Variants in ZDHHC7 observed in about 807,000 individuals in gnomAD.
ZDHHC7 encodes zDHHC palmitoyltransferase 7.
A neutral mutation model predicts 34.1 loss-of-function variants in ZDHHC7; 12 were observed. That is an observed-to-expected ratio of 0.35 (90% CI 0.23 to 0.57). The LOEUF (loss-of-function observed/expected upper bound fraction) is 0.57. ZDHHC7 is among the 20% of genes least tolerant of loss of function. The probability of loss-of-function intolerance (pLI) is 0.84; values close to 1 mark genes in which losing one functional copy is unlikely to be tolerated. For missense variants in ZDHHC7, 388 were observed against 402.7 expected (o/e 0.96, Z 0.31); for synonymous variants, 185 against 155.4 (o/e 1.19, Z -1.42).
At chr16:84,993,985 T>C (rs1445187850) in intron 2 of ZDHHC7, among the ~76,000 whole-genome samples, 1 of 152,234 alleles carries the variant, frequency 6.6e-6, no homozygotes, top group Non-Finnish European at 1.5e-5. Flanking sequence ...AAACTGCTTC[T>C]GCCTGCACTA....
intron 4 of ZDHHC7, 118 bp downstream of exon 4, chr16:84,981,752 G>A (rs1361694851): frequency 1.5e-5 from 23 of 1,572,016 alleles, no homozygotes; most frequent in East Asian, 6.8e-5. Context: ...CCCGTACAAC[G>A]TTGCCCAGAT....
chr16:85,019,849 C>T, the ZDHHC7 span, among the ~76,000 whole-genome samples: 1 of 152,182 alleles, frequency 6.6e-6, no homozygotes, highest in Non-Finnish European at 1.5e-5. Flanking sequence ...AGTGTGCTCC[C>T]GGTCACACAG....
the ZDHHC7 span, among the ~76,000 whole-genome samples, chr16:85,026,470 G>A: frequency 6.6e-6 from 1 of 152,060 alleles, no homozygotes; most frequent in East Asian, 1.9e-4. Context: ...CAAATCTGGA[G>A]TGTACTAGAA....
At chr16:84,978,296 AAAC>A (rs1272918516) in intron 5 of ZDHHC7, among the ~76,000 whole-genome samples, 1 of 152,192 alleles carries the variant, frequency 6.6e-6, no homozygotes, top group Non-Finnish European at 1.5e-5. Context: ...TTAGTAACTT[AAAC>A]AAGTCTTTCT....
At chr16:84,978,225 G>C (rs111723683) in intron 5 of ZDHHC7, 5,383 of 393,548 alleles carry the variant, frequency 0.014, 245 homozygotes, top group African/African-American at 0.1. Flanking sequence ...TAGAGATGGG[G>C]TTTCACCATG....
chr16:85,008,252 A>G (rs980717633), intron 1 of ZDHHC7, among the ~76,000 whole-genome samples: 2 of 152,070 alleles, frequency 1.3e-5, no homozygotes, highest in South Asian at 2.1e-4. Flanking sequence ...CTGGGAACTA[A>G]TATCAACCAT....
At chr16:84,988,221 G>A (rs2072462307) in intron 3 of ZDHHC7, among the ~76,000 whole-genome samples, 1 of 152,086 alleles carries the variant, frequency 6.6e-6, no homozygotes, top group South Asian at 2.1e-4. Flanking sequence ...GCAGATGAGT[G>A]GTTGCCAGGG....
upstream of ZDHHC7, among the ~76,000 whole-genome samples, chr16:85,015,089 G>A (rs140405653): frequency 1.9e-4 from 29 of 151,454 alleles, no homozygotes; most frequent in African/African-American, 6.8e-4. Context: ...AGCAGGCTTA[G>A]GAGTTTTGTT....
chr16:84,976,286 G>T lies in ZDHHC7; in HGVS notation c.*57C>A. On this transcript the variant is annotated 3_prime_UTR_variant, in exon 8 of 8. Coordinates refer to ENST00000313732, the MANE Select transcript of ZDHHC7 (RefSeq NM_017740.3). ...ACAGATGAGCTGTTGATATCCTTCA[G>T]ACCCCAAATAAATAACTGGAAGTCT... 1 of 1,603,078 alleles carries T rather than the reference G, an allele frequency of 6.2e-7. No individual in the cohort carries two copies. Among genetic ancestry groups the T allele is most frequent in the African/African-American group, 1.4e-5 (1 of 73,818 alleles).
the ZDHHC7 span, among the ~76,000 whole-genome samples, chr16:85,017,945 T>C: frequency 6.6e-6 from 1 of 152,116 alleles, no homozygotes; most frequent in African/African-American, 2.4e-5. Context: ...AAGGTGGAGA[T>C]TTCTTGGAAC....
intron 1 of ZDHHC7, among the ~76,000 whole-genome samples, chr16:85,008,454 T>C (rs1009961046): frequency 2.6e-5 from 4 of 151,606 alleles, no homozygotes; most frequent in African/African-American, 9.7e-5. Context: ...CCCCATCTGG[T>C]ACTTCCCTGG....
chr16:84,996,468 G>A (rs1268527718), intron 1 of ZDHHC7, among the ~76,000 whole-genome samples: 1 of 152,084 alleles, frequency 6.6e-6, no homozygotes, highest in Non-Finnish European at 1.5e-5. Context: ...GGAAGACAGT[G>A]GAACCCAGTG....
chr16:85,014,041 G>A (rs11642414), upstream of ZDHHC7, among the ~76,000 whole-genome samples: 720 of 152,242 alleles, frequency 4.7e-3, 3 homozygotes, highest in Middle Eastern at 0.014. Flanking sequence ...GGTAGATAGA[G>A]ATAAGGAGTT....
At chr16:85,015,942 T>C (rs937263442), upstream of ZDHHC7, among the ~76,000 whole-genome samples, 4 of 152,206 alleles carry the variant, frequency 2.6e-5, no homozygotes, top group African/African-American at 9.6e-5. Flanking sequence ...TGGTGTCATA[T>C]GACAAAAAGT....
intron 1 of ZDHHC7, among the ~76,000 whole-genome samples, chr16:84,997,452 T>C (rs2072594572): frequency 6.6e-6 from 1 of 151,058 alleles, no homozygotes; most frequent in African/African-American, 2.4e-5. Context: ...TTTGTATTTT[T>C]AGTAGAGACG....
At chr16:84,993,512 C>G (rs528134276) in intron 2 of ZDHHC7, among the ~76,000 whole-genome samples, 8 of 151,260 alleles carry the variant, frequency 5.3e-5, no homozygotes, top group Non-Finnish European at 8.8e-5. Flanking sequence ...CATGGTGGCA[C>G]ACACCTATAG....
chr16:84,997,721 C>T (rs1296448253), intron 1 of ZDHHC7, among the ~76,000 whole-genome samples: 2 of 148,720 alleles, frequency 1.3e-5, no homozygotes, highest in Non-Finnish European at 3.0e-5. Flanking sequence ...AGTGAAACCC[C>T]GTCTCTACTA....
intron 7 of ZDHHC7, 100 bp from the exon 8 acceptor site, chr16:84,976,619 G>C (rs960319086): frequency 2.1e-6 from 3 of 1,462,018 alleles, no homozygotes; most frequent in Non-Finnish European, 2.8e-6. Flanking sequence ...GTGTGGGCTC[G>C]ATGGAGGGTA....
chr16:85,012,959 C>T (rs35475041), upstream of ZDHHC7, among the ~76,000 whole-genome samples: 1 of 151,790 alleles, frequency 6.6e-6, no homozygotes, highest in Non-Finnish European at 1.5e-5. Context: ...TATGCCTCTT[C>T]GACAGAAAAA....
Sources: gnomAD v4.1 joint callset for allele counts (sites outside exome capture counted in the v4.1 genomes callset) on GRCh38, gnomAD v4.1.1 for gene constraint, MANE v1.5 for transcripts, NCBI Gene and HGNC (gene_info 2026-07-23, HGNC 2026-07-21) for gene names.